DERA: variants seen among roughly 807,000 people sequenced by gnomAD.
DERA encodes deoxyribose-phosphate aldolase, also known as 2-deoxy-D-ribose 5-phosphate aldolase.
Under a neutral mutation model 41.1 loss-of-function variants are expected in DERA, and 15 were observed. The observed-to-expected ratio is 0.37, with a 90% CI of 0.24 to 0.56. The LOEUF is 0.56. Among genes scored for constraint, DERA ranks in the 20% least tolerant of loss-of-function variants. DERA has a pLI of 0.81. For synonymous variants in DERA, 139 were observed against 137.4 expected (o/e 1.01, Z -0.08); for missense variants, 396 against 403.4 (o/e 0.98, Z 0.16).
intron 1 of DERA, among the ~76,000 whole-genome samples, chr12:15,919,080 A>G (rs1948222850): frequency 6.6e-6 from 1 of 152,206 alleles, no homozygotes; most frequent in Non-Finnish European, 1.5e-5. Flanking sequence ...TGTGAATGCT[A>G]ACTACTTTGA....
chr12:15,974,658 GTAAT>G (rs1419661960), intron 5 of DERA, among the ~76,000 whole-genome samples: 1 of 152,142 alleles, frequency 6.6e-6, no homozygotes, highest in Non-Finnish European at 1.5e-5. Flanking sequence ...ATTTTAATAA[GTAAT>G]TAATATAGAT....
rs1948613843 is a variant in DERA, at chr12:15,965,170, A to T, written c.508+2223A>T. Among the ~76,000 whole-genome samples the T allele has an allele frequency of 6.6e-6, 1 of 152,232 alleles. No individual in the cohort carries two copies. On this transcript the variant is annotated intron_variant, in intron 5 of 8. Coordinates refer to ENST00000428559, the MANE Select transcript of DERA (RefSeq NM_015954.4). This position sits in a 1 kb window ranked among gnomAD's most constrained non-coding sequence, Gnocchi z 4.1. ...AGCTGTTTATTAAAATATGAGCATAAAATAATTTCTTGGAATTTGTGGATG... is the reference window on the plus strand; with the variant it reads ...AGCTGTTTATTAAAATATGAGCATATAATAATTTCTTGGAATTTGTGGATG...
intron 1 of DERA, among the ~76,000 whole-genome samples, chr12:15,949,486 G>A (rs1215769361): frequency 2.0e-5 from 3 of 147,538 alleles, no homozygotes; most frequent in African/African-American, 5.0e-5. Context: ...GTGGGCGTGG[G>A]ACCCTCTGAG....
At chr12:16,005,614 G>A (rs376484944) in intron 6 of DERA, among the ~76,000 whole-genome samples, 2 of 152,048 alleles carry the variant, frequency 1.3e-5, no homozygotes, top group East Asian at 1.9e-4. Flanking sequence ...GCAAGTTTGG[G>A]GAATGCTGCA....
At position 15,988,044 on chromosome 12, in the gene DERA, T is replaced by C. The variant is rs1315376985; in HGVS notation, c.637+5608T>C. Among the ~76,000 whole-genome samples, 1 of 152,128 alleles carries C rather than the reference T, an allele frequency of 6.6e-6. No individual in the cohort carries two copies. The highest frequency in any genetic ancestry group is 1.5e-5 in the Non-Finnish European group (1 of 68,030). ...GACGTACCACAAGCAGCTTCTGCTG[T>C]GGGCACCAGCATCTGGACAAGGGGA... On this transcript the variant is annotated intron_variant, in intron 6 of 8. Transcript: ENST00000428559. The surrounding 1 kb of genome is among the most constrained non-coding windows in gnomAD (Gnocchi z 6.0).
rs1007376339 is a variant in DERA, at chr12:16,017,900, G to T, written c.638-14642G>T. ...TAATGACAAGCTTTCTCAAGCAGCAGTTGATTTGAAATCCTACTTTTCATT... is the reference window on the plus strand; with the variant it reads ...TAATGACAAGCTTTCTCAAGCAGCATTTGATTTGAAATCCTACTTTTCATT... On this transcript the variant is annotated intron_variant, in intron 6 of 8. Coordinates refer to ENST00000428559, the MANE Select transcript of DERA (RefSeq NM_015954.4). The surrounding 1 kb of genome is among the most constrained non-coding windows in gnomAD (Gnocchi z 5.5). Among the ~76,000 whole-genome samples the T allele has an allele frequency of 6.6e-6, 1 of 152,198 alleles. No individual in the cohort carries two copies. The highest frequency in any genetic ancestry group is 1.5e-5 in the Non-Finnish European group (1 of 68,032).
intron 1 of DERA, among the ~76,000 whole-genome samples, chr12:15,952,830 A>G (rs1948508795): frequency 6.6e-6 from 1 of 152,372 alleles, no homozygotes; most frequent in South Asian, 2.1e-4. Context: ...AGCCATAGTC[A>G]GTCAAACAAG....
rs1949134004 is a variant in DERA, at chr12:16,037,021, G to A, written c.*275G>A. ...AAAAACTTTAAGTAAAATGTTAATG[G>A]TAGCTTTGATAACATCAAATTCTAA... On this transcript the variant is annotated 3_prime_UTR_variant, in exon 9 of 9. Coordinates refer to ENST00000428559, the MANE Select transcript of DERA (RefSeq NM_015954.4). The surrounding 1 kb of genome is among the most constrained non-coding windows in gnomAD (Gnocchi z 6.7). 2 of 358,428 alleles carry A rather than the reference G, an allele frequency of 5.6e-6. No homozygotes were observed. Among genetic ancestry groups the A allele is most frequent in the African/African-American group, 2.2e-5 (1 of 45,854 alleles). 22.2% of individuals were successfully genotyped at this position (358,428 alleles called of 1,614,324 possible). A position where few individuals can be genotyped will look rare whatever the true frequency, so the allele number is the denominator to read the frequency against.
rs1174127189 is a variant in DERA, at chr12:15,954,624, C to G, written c.32-2312C>G. 6.6e-6 allele frequency among the ~76,000 whole-genome samples: 1 copy of G among 152,140 alleles called. No individual in the cohort carries two copies. Among genetic ancestry groups the G allele is most frequent in the Non-Finnish European group, 1.5e-5 (1 of 68,026 alleles). ...TGCCAGTAGTTTAGGAAGGCTGCAC[C>G]ACAGAGGCAGAGGAGCAGTGAGGGA... On this transcript the variant is annotated intron_variant, in intron 1 of 8. Transcript: ENST00000428559. This position sits in a 1 kb window ranked among gnomAD's most constrained non-coding sequence, Gnocchi z 4.0.
Position 15,959,776 on chromosome 12 carries a change from T to C in DERA, c.278-53T>C, listed in dbSNP as rs1022249424. 4.9e-6 allele frequency: 6 copies of C among 1,234,144 alleles called. No individual in the cohort carries two copies. The highest frequency in any genetic ancestry group is 6.9e-6 in the Non-Finnish European group (6 of 871,798). The allele number at this position is 1,234,144 out of a possible 1,614,324, so 76.4% of individuals were successfully genotyped here. A position where few individuals can be genotyped will look rare whatever the true frequency, so the allele number is the denominator to read the frequency against. On this transcript the variant is annotated intron_variant, in intron 3 of 8. Coordinates refer to ENST00000428559, the MANE Select transcript of DERA (RefSeq NM_015954.4). The surrounding 1 kb of genome is among the most constrained non-coding windows in gnomAD (Gnocchi z 4.5). ...GATATAAATAATAATTAAAAGCATG[T>C]TGTATGAGTTGAACTTCATTGAAAG...
At chr12:15,945,906 T>A (rs1948444183) in intron 1 of DERA, among the ~76,000 whole-genome samples, 1 of 152,204 alleles carries the variant, frequency 6.6e-6, no homozygotes, top group South Asian at 2.1e-4. Context: ...ATATGTCCCA[T>A]CAATACCTAA....
chr12:15,928,085 G>T lies in DERA; in HGVS notation c.31+16671G>T, dbSNP rs1304853007. On this transcript the variant is annotated intron_variant, in intron 1 of 8. Coordinates refer to ENST00000428559, the MANE Select transcript of DERA (RefSeq NM_015954.4). The surrounding 1 kb of genome is among the most constrained non-coding windows in gnomAD (Gnocchi z 4.6). ...TTGATACATGTATACAATGTGAAAT[G>T]ATTAAATCAAGCTGAGTGACTTCAT... 1.3e-5 allele frequency among the ~76,000 whole-genome samples: 2 copies of T among 152,222 alleles called. No homozygotes were observed. The highest frequency in any genetic ancestry group is 2.9e-5 in the Non-Finnish European group (2 of 68,044).
At position 15,982,378 on chromosome 12, in the gene DERA, A is replaced by T. The variant is rs747737180; in HGVS notation, c.579A>T (p.Thr193=). Residue 193 remains threonine (T), a synonymous_variant, in exon 6 of 9, where the codon ACA becomes ACT. Transcript: ENST00000428559. This position sits in a 1 kb window ranked among gnomAD's most constrained non-coding sequence, Gnocchi z 4.0. ...GEAHLKTILA[T]GELGTLTNVY... The stretch of plus-strand genomic sequence containing the variant: ...CTCATCTTAAAACTATATTAGCGAC[A>T]GGAGAACTTGGAACTCTTACTAATG... 1 of 1,613,924 alleles carries T rather than the reference A, an allele frequency of 6.2e-7. No homozygotes were observed. Among genetic ancestry groups the T allele is most frequent in the South Asian group, 1.1e-5 (1 of 91,072 alleles).
In DERA at chr12:16,008,819, T is replaced by G. The variant is rs1948930031; in HGVS notation, c.638-23723T>G. ...AGGAAGAAAAGCAATGAAGGTGCCATTTCGTATTGAAGGAAATAGTTTAAC... is the reference window on the plus strand; with the variant it reads ...AGGAAGAAAAGCAATGAAGGTGCCAGTTCGTATTGAAGGAAATAGTTTAAC... On this transcript the variant is annotated intron_variant, in intron 6 of 8. Transcript: ENST00000428559. This position sits in a 1 kb window ranked among gnomAD's most constrained non-coding sequence, Gnocchi z 4.8. 1.3e-5 allele frequency among the ~76,000 whole-genome samples: 2 copies of G among 152,168 alleles called. No individual in the cohort carries two copies. The highest frequency in any genetic ancestry group is 4.8e-5 in the African/African-American group (2 of 41,442).
At chr12:15,916,199 G>A (rs1038584048) in intron 1 of DERA, 10 of 152,154 alleles carry the variant, frequency 6.6e-5, no homozygotes, top group African/African-American at 2.2e-4. Flanking sequence ...AGGGTTCGAT[G>A]TTAGTGAAGT....
chr12:15,920,587 C>A (rs1212207202), intron 1 of DERA, among the ~76,000 whole-genome samples: 2 of 152,302 alleles, frequency 1.3e-5, no homozygotes, highest in East Asian at 3.9e-4. Flanking sequence ...GTAATCCCAG[C>A]ACTTTGGGAG....
In DERA at chr12:15,913,250, G is replaced by A. The variant is rs1268915191; in HGVS notation, c.31+1836G>A. Among the ~76,000 whole-genome samples the A allele has an allele frequency of 6.6e-6, 1 of 152,184 alleles. No homozygotes were observed. The highest frequency in any genetic ancestry group is 1.5e-5 in the Non-Finnish European group (1 of 68,034). On this transcript the variant is annotated intron_variant, in intron 1 of 8. Transcript: ENST00000428559. The surrounding 1 kb of genome is among the most constrained non-coding windows in gnomAD (Gnocchi z 4.5). ...ATTGCCAGGTAGAACAATAGTAAAT[G>A]TGGTTTTTATGCAGCTATCGAAATG...
chr12:15,977,489 A>T (rs1361329907), intron 5 of DERA, among the ~76,000 whole-genome samples: 2 of 152,014 alleles, frequency 1.3e-5, no homozygotes, highest in Admixed American at 6.5e-5. Flanking sequence ...TTTTGCTCTT[A>T]TTGCCTAGGC....
At chr12:15,923,330 C>T (rs1220681125) in intron 1 of DERA, among the ~76,000 whole-genome samples, 2 of 152,120 alleles carry the variant, frequency 1.3e-5, no homozygotes, top group Non-Finnish European at 2.9e-5. Flanking sequence ...CCTGTTTTTG[C>T]TTTTAAAAAA....
Sources: allele counts gnomAD v4.1 joint callset (sites outside exome capture counted in the v4.1 genomes callset), GRCh38; gene constraint gnomAD v4.1.1; non-coding constraint Gnocchi (gnomAD v3.1); transcripts MANE v1.5; gene names NCBI Gene and HGNC (gene_info 2026-07-23, HGNC 2026-07-21).